Variants in DNAH2 observed in about 807,000 individuals in gnomAD.
The protein encoded by DNAH2 is dynein axonemal heavy chain 2.
In DNAH2, 323 loss-of-function variants were observed where a neutral mutation model predicts 523.5. The observed-to-expected ratio is 0.62, with a 90% confidence interval of 0.56 to 0.68. DNAH2 has a LOEUF of 0.68. Ranked by LOEUF, DNAH2 falls within the 30% of genes least tolerant of loss-of-function variation. The pLI is 0.00. For synonymous variants in DNAH2, 2,093 were observed against 2,177.4 expected, an observed-to-expected ratio of 0.96 and a Z score of 1.08; for missense variants, 4,907 against 5,701.5, an observed-to-expected ratio of 0.86 and a Z score of 4.49.
intron 20 of DNAH2, among the ~76,000 whole-genome samples, chr17:7,764,828 T>C (rs1284086120): frequency 1.5e-5 from 2 of 137,332 alleles, no homozygotes; most frequent in Admixed American, 1.5e-4. Context: ...TTCTCAGATA[T>C]ACAGCTTTTG....
intron 10 of DNAH2, 112 bp downstream of exon 10, chr17:7,740,661 G>A (rs1475210742): frequency 6.5e-6 from 10 of 1,544,238 alleles, no homozygotes; most frequent in South Asian, 6.2e-5. Context: ...TCCAGCATTC[G>A]GGCGCCTCTT....
In DNAH2 at chr17:7,818,265, G is replaced by A. The variant is rs755512938; in HGVS notation, c.10388-47G>A. The A allele has an allele frequency of 7.5e-6, 12 of 1,609,460 alleles. No homozygotes were observed. In the South Asian group the frequency reaches 1.0e-4, roughly 13 times the overall value. ...ATGCCGGTGGGGGATGGGTTAGCTGGTACCCATCACATGGAGTCCTTGCCC... is the reference window on the plus strand; with the variant it reads ...ATGCCGGTGGGGGATGGGTTAGCTGATACCCATCACATGGAGTCCTTGCCC... On this transcript the variant is annotated intron_variant, in intron 68 of 85. Coordinates refer to ENST00000572933, the MANE Select transcript of DNAH2 (RefSeq NM_020877.5).
chr17:7,727,369 G>A, intron 4 of DNAH2, 77 bp downstream of exon 4: 1 of 1,537,554 alleles, frequency 6.5e-7, no homozygotes, highest in Non-Finnish European at 8.7e-7. Flanking sequence ...TCATCCTTAA[G>A]TCTTGTCATC....
intron 73 of DNAH2, among the ~76,000 whole-genome samples, chr17:7,822,409 G>A (rs911643465): frequency 2.6e-5 from 4 of 152,168 alleles, no homozygotes; most frequent in Non-Finnish European, 4.4e-5. Context: ...TCTCGCCTCA[G>A]GGCCTTTGCG....
intron 4 of DNAH2, among the ~76,000 whole-genome samples, chr17:7,731,602 A>G (rs1205549032): frequency 1.3e-5 from 2 of 152,188 alleles, no homozygotes; most frequent in South Asian, 2.1e-4. Context: ...TCTAATATTA[A>G]CAATATTAAT....
intron 12 of DNAH2, among the ~76,000 whole-genome samples, chr17:7,749,075 G>A (rs772258402): frequency 3.0e-4 from 46 of 151,278 alleles, no homozygotes; most frequent in Non-Finnish European, 4.3e-4. Context: ...TTGGGAGGCC[G>A]AGGTGGGTGG....
chr17:7,827,944 TG>T (rs2078066232), intron 77 of DNAH2, among the ~76,000 whole-genome samples: 1 of 151,902 alleles, frequency 6.6e-6, no homozygotes, highest in Non-Finnish European at 1.5e-5. Context: ...TTTGTTTGTT[TG>T]TTTGTTTGGG....
In DNAH2 at chr17:7,758,564, G is replaced by T. The variant is rs372071139; in HGVS notation, c.2121G>T (p.Lys707Asn). The T allele has an allele frequency of 4.9e-5, 79 of 1,614,016 alleles. No homozygotes were observed. The highest frequency in any genetic ancestry group is 6.0e-5 in the Non-Finnish European group (71 of 1,180,042). ...FKERIRLLDK[K>N]IHPGLKKLHW... The stretch of plus-strand genomic sequence containing the variant: ...AGCGTATTCGGCTCCTGGATAAGAA[G>T]ATCCACCCGGGACTCAAGAAACTGC... Residue 707 changes from lysine to asparagine, a missense_variant, in exon 14 of 86, where the codon AAG becomes AAT. Around this residue, in one of 3 missense-constraint regions of DNAH2, gnomAD observed 2,806 missense variants for 3,190.8 expected, o/e 0.88. Coordinates refer to ENST00000572933, the MANE Select transcript of DNAH2 (RefSeq NM_020877.5).
chr17:7,757,524 T>A (rs1211383287), intron 13 of DNAH2, among the ~76,000 whole-genome samples: 2 of 152,162 alleles, frequency 1.3e-5, no homozygotes, highest in Non-Finnish European at 2.9e-5. Context: ...TCTCTAGGAA[T>A]GAGACGGGCT....
chr17:7,824,776 T>C (rs748939959), intron 77 of DNAH2, 49 bp downstream of exon 77: 12 of 1,374,386 alleles, frequency 8.7e-6, no homozygotes, highest in Non-Finnish European at 1.2e-5. Context: ...TGGTCCACCT[T>C]ACCTCCTGCT....
chr17:7,754,932 C>A lies in DNAH2; in HGVS notation c.1905-2159C>A. 1 of 491,610 alleles carries A rather than the reference C, an allele frequency of 2.0e-6. No homozygotes were observed. Among genetic ancestry groups the A allele is most frequent in the Non-Finnish European group, 3.6e-6 (1 of 276,752 alleles). 30.5% of individuals were successfully genotyped at this position (491,610 alleles called of 1,614,324 possible). On this transcript the variant is annotated intron_variant, in intron 12 of 85. Transcript: ENST00000572933. This position sits in a 1 kb window ranked among gnomAD's most constrained non-coding sequence, Gnocchi z 4.6. Reference sequence around the variant, plus strand: ...CTGCCGTCTGCATGGGGCTGGGGTCCTCCTGCGCTATTGGTACAAATAAGC... The same window carrying A: ...CTGCCGTCTGCATGGGGCTGGGGTCATCCTGCGCTATTGGTACAAATAAGC...
At chr17:7,782,695 G>A (rs945069812) in intron 39 of DNAH2, among the ~76,000 whole-genome samples, 2 of 152,092 alleles carry the variant, frequency 1.3e-5, no homozygotes, top group South Asian at 4.1e-4. Flanking sequence ...GGCGAGGTGC[G>A]GTGGTTCACG....
At chr17:7,772,090 G>C (rs1055345656) in intron 28 of DNAH2, among the ~76,000 whole-genome samples, 1 of 152,090 alleles carries the variant, frequency 6.6e-6, no homozygotes, top group African/African-American at 2.4e-5. Flanking sequence ...AGAAAGGGAT[G>C]AACACACGGC....
In DNAH2 at chr17:7,786,116, T is replaced by A. The variant is rs1201894877; in HGVS notation, c.6130-8T>A. 2.5e-6 allele frequency: 4 copies of A among 1,613,742 alleles called. 1 individual carries two copies. The South Asian group carries it at 4.4e-5, about 18-fold the overall frequency. ...TTCTTCTGCTTGCTGTGTTTTCCCT[T>A]CCCTCAGCTGCGGGAGACCGTTGAG... On this transcript the variant is annotated splice_region_variant and splice_polypyrimidine_tract_variant and intron_variant, in intron 39 of 85. Transcript: ENST00000572933. The surrounding 1 kb of genome is among the most constrained non-coding windows in gnomAD (Gnocchi z 7.5).
At position 7,824,148 on chromosome 17, in the gene DNAH2, C is replaced by T; in HGVS notation, c.11506C>T (p.Pro3836Ser). The part of the protein sequence containing the change: ...SVLEDSTPRS[P>S]LVFILSPGVD... ...GCTGGAGGATTCAACCCCACGATCC[C>T]CACTCGTGTTCATCCTGTCCCCTGG... The change falls in exon 76 of 86, where the codon CCA (proline) becomes TCA (serine). Residue 3836 changes from proline (P) to serine (S), a missense_variant. Coordinates refer to ENST00000572933, the MANE Select transcript of DNAH2 (RefSeq NM_020877.5). 1 of 1,573,376 alleles carries T rather than the reference C, an allele frequency of 6.4e-7. No homozygotes were observed. The highest frequency in any genetic ancestry group is 2.2e-5 in the East Asian group (1 of 44,596).
intron 77 of DNAH2, among the ~76,000 whole-genome samples, chr17:7,825,201 A>G (rs980215365): frequency 1.3e-5 from 2 of 151,878 alleles, no homozygotes; most frequent in Non-Finnish European, 2.9e-5. Flanking sequence ...CTCCGACTCT[A>G]CTGAAATTTT....
chr17:7,723,503 C>A (rs909524298), intron 2 of DNAH2, 125 bp from the exon 3 acceptor site: 1 of 732,262 alleles, frequency 1.4e-6, no homozygotes, highest in South Asian at 1.5e-5. Flanking sequence ...AACTCCTGAC[C>A]TCAGGTGATC....
intron 63 of DNAH2, among the ~76,000 whole-genome samples, chr17:7,810,373 C>A (rs1024065395): frequency 2.0e-5 from 3 of 151,640 alleles, no homozygotes; most frequent in Non-Finnish European, 4.4e-5. Context: ...CCCAAATATA[C>A]CCTTTTTGTT....
intron 11 of DNAH2, among the ~76,000 whole-genome samples, chr17:7,742,031 A>G (rs577284208): frequency 6.6e-6 from 1 of 152,280 alleles, no homozygotes; most frequent in South Asian, 2.1e-4. Flanking sequence ...TTGGGTCAGT[A>G]GAAGATACAG....
Sources: gnomAD v4.1 joint callset for allele counts (sites outside exome capture counted in the v4.1 genomes callset) on GRCh38, gnomAD v4.1.1 for gene constraint, gnomAD v4.1.1 regional missense constraint, Gnocchi (gnomAD v3.1) non-coding constraint, MANE v1.5 for transcripts, NCBI Gene and HGNC (gene_info 2026-07-23, HGNC 2026-07-21) for gene names.